Variants in RAPGEF2 observed in about 807,000 individuals in gnomAD.
The protein encoded by RAPGEF2 is PDZ domain containing guanine nucleotide exchange factor (GEF) 1.
RAPGEF2 carries 54 observed loss-of-function variants against 186.7 expected under a neutral mutation model. The ratio of observed to expected loss-of-function variants is 0.29; its 90% CI spans 0.23 to 0.36. The LOEUF (loss-of-function observed/expected upper bound fraction) is 0.36. Among genes scored for constraint, RAPGEF2 ranks in the 10% least tolerant of loss-of-function variants. The pLI is 1.00. For synonymous variants in RAPGEF2, 712 were observed against 705.9 expected, an observed-to-expected ratio of 1.01 and a Z score of -0.14; for missense variants, 1,532 against 2,045.0, an observed-to-expected ratio of 0.75 and a Z score of 4.84.
chr4:159,260,474 G>A (rs760484450), intron 7 of RAPGEF2, among the ~76,000 whole-genome samples: 26 of 151,520 alleles, frequency 1.7e-4, no homozygotes, highest in Non-Finnish European at 2.1e-4. Context: ...GCATTTTCCC[G>A]CCAGCTGATG....
intron 1 of RAPGEF2, among the ~76,000 whole-genome samples, chr4:159,104,528 G>GAGAGAGAC (rs1737617048): frequency 1.0e-5 from 1 of 97,298 alleles, no homozygotes; most frequent in Admixed American, 1.1e-4. Context: ...GAGAGAGAGG[G>GAGAGAGAC]AGAGACAGAG....
At chr4:159,156,426 T>A (rs1309314240) in intron 1 of RAPGEF2, among the ~76,000 whole-genome samples, 1 of 152,208 alleles carries the variant, frequency 6.6e-6, no homozygotes, top group African/African-American at 2.4e-5. Flanking sequence ...TCTGAATTCT[T>A]TTCTATAAAT....
chr4:159,154,178 CATT>C (rs1743860778), intron 1 of RAPGEF2, among the ~76,000 whole-genome samples: 1 of 152,112 alleles, frequency 6.6e-6, no homozygotes, highest in African/African-American at 2.4e-5. Context: ...GTAAATGATA[CATT>C]ATCACCTAGC....
intron 7 of RAPGEF2, among the ~76,000 whole-genome samples, chr4:159,275,793 A>G (rs1758784515): frequency 6.6e-6 from 1 of 152,164 alleles, no homozygotes; most frequent in African/African-American, 2.4e-5. Flanking sequence ...ATAAAGGAAG[A>G]CAATAAAACA....
At chr4:159,145,531 A>G (rs893853658) in intron 1 of RAPGEF2, among the ~76,000 whole-genome samples, 3 of 152,148 alleles carry the variant, frequency 2.0e-5, no homozygotes, top group East Asian at 1.9e-4. Flanking sequence ...AACATTTGCC[A>G]AAAACATTGC....
chr4:159,108,286 G>A (rs1016787149), intron 1 of RAPGEF2, among the ~76,000 whole-genome samples: 41 of 151,850 alleles, frequency 2.7e-4, no homozygotes, highest in Middle Eastern at 3.4e-3. Flanking sequence ...CTTGGCTAAG[G>A]TTCAAAATGA....
intron 1 of RAPGEF2, among the ~76,000 whole-genome samples, chr4:159,168,662 C>T (rs966871126): frequency 3.1e-4 from 47 of 152,068 alleles, no homozygotes; most frequent in Admixed American, 2.8e-3. Flanking sequence ...ACTTTGAAAA[C>T]GACACCTCTT....
At chr4:159,338,911 A>C (rs1022768014) in intron 18 of RAPGEF2, among the ~76,000 whole-genome samples, 1 of 152,158 alleles carries the variant, frequency 6.6e-6, no homozygotes, top group Non-Finnish European at 1.5e-5. Context: ...TCTGTAGTTC[A>C]ATCTGTTATC....
intron 1 of RAPGEF2, among the ~76,000 whole-genome samples, chr4:159,146,705 A>C (rs1742998529): frequency 6.6e-6 from 1 of 152,212 alleles, no homozygotes; most frequent in Non-Finnish European, 1.5e-5. Context: ...CTGGCACCAG[A>C]ACTAAAGCTA....
chr4:159,316,420 T>A (rs993958437), intron 9 of RAPGEF2, among the ~76,000 whole-genome samples: 52 of 152,322 alleles, frequency 3.4e-4, no homozygotes, highest in African/African-American at 1.3e-3. Flanking sequence ...GGTGGCTTGC[T>A]GCCCACAGTA....
At chr4:159,206,726 G>A (rs1189967756) in intron 3 of RAPGEF2, among the ~76,000 whole-genome samples, 1 of 152,192 alleles carries the variant, frequency 6.6e-6, no homozygotes, top group African/African-American at 2.4e-5. Flanking sequence ...TTAGTTCAGT[G>A]CTTTCTAATA....
chr4:159,111,038 T>A (rs1266867485), intron 1 of RAPGEF2, among the ~76,000 whole-genome samples: 1 of 151,910 alleles, frequency 6.6e-6, no homozygotes, highest in Admixed American at 6.6e-5. Context: ...AAAACCACCC[T>A]TGTTTTCACA....
intron 7 of RAPGEF2, among the ~76,000 whole-genome samples, chr4:159,264,963 C>T (rs1016174192): frequency 1.3e-5 from 2 of 152,140 alleles, no homozygotes; most frequent in East Asian, 3.8e-4. Flanking sequence ...AATGCATATA[C>T]CACACTTGTA....
At chr4:159,303,104 GA>G (rs1762866048) in intron 7 of RAPGEF2, among the ~76,000 whole-genome samples, 1 of 152,182 alleles carries the variant, frequency 6.6e-6, no homozygotes, top group Non-Finnish European at 1.5e-5. Context: ...TTAAGGTAGA[GA>G]GGGGTGTAAT....
rs538334235 is a variant in RAPGEF2, at chr4:159,206,516, A to G, written c.198-3984A>G. Among the ~76,000 whole-genome samples the G allele has an allele frequency of 7.7e-4, 117 of 152,170 alleles. 1 individual carries two copies. The highest frequency in any genetic ancestry group is 1.4e-3 in the Non-Finnish European group (93 of 68,010). On this transcript the variant is annotated intron_variant, in intron 3 of 29. Coordinates refer to ENST00000691494, the MANE Select transcript of RAPGEF2 (RefSeq NM_001394067.2). ...TTTGCTGCTGCTACTACTAAGTACT[A>G]TTTTCATAATTTCAGTTTCATTTTT... is the stretch of plus-strand genomic sequence containing the variant.
chr4:159,345,366 A>G, intron 24 of RAPGEF2, 37 bp downstream of exon 24: 1 of 1,599,566 alleles, frequency 6.3e-7, no homozygotes, highest in Non-Finnish European at 8.6e-7. Context: ...GACTTTGGCT[A>G]GGATGCAGAT....
At chr4:159,189,352 A>G (rs748324077) in intron 2 of RAPGEF2, among the ~76,000 whole-genome samples, 3 of 152,210 alleles carry the variant, frequency 2.0e-5, no homozygotes, top group Non-Finnish European at 2.9e-5. Flanking sequence ...ACACTGTGCA[A>G]TGTAAAGGTT....
intron 7 of RAPGEF2, among the ~76,000 whole-genome samples, chr4:159,266,604 T>G (rs1451731319): frequency 2.6e-5 from 4 of 152,176 alleles, no homozygotes; most frequent in African/African-American, 9.7e-5. Flanking sequence ...GTAGGTTAAT[T>G]TTTTATATTA....
Position 159,114,425 on chromosome 4 carries a change from C to T in RAPGEF2, c.69+10194C>T, listed in dbSNP as rs1442507406. On this transcript the variant is annotated intron_variant, in intron 1 of 29. Coordinates refer to ENST00000691494, the MANE Select transcript of RAPGEF2 (RefSeq NM_001394067.2). ...CCCTAATTTTTGCATTTTTTTAGAT[C>T]TGTGTCTTGCTATTTAGCCCAGGCT... is the stretch of plus-strand genomic sequence containing the variant. 3.9e-5 allele frequency among the ~76,000 whole-genome samples: 6 copies of T among 151,944 alleles called. No individual in the cohort carries two copies. In the South Asian group the frequency reaches 1.2e-3, roughly 32 times the overall value.
Sources: allele counts gnomAD v4.1 joint callset (sites outside exome capture counted in the v4.1 genomes callset), GRCh38; gene constraint gnomAD v4.1.1; transcripts MANE v1.5; gene names NCBI Gene and HGNC (gene_info 2026-07-23, HGNC 2026-07-21).